Variants in CDH2 observed in about 807,000 individuals in gnomAD.
The protein encoded by CDH2 is cadherin 2.
In CDH2, 17 loss-of-function variants were observed where a neutral mutation model predicts 92.0. The ratio of observed to expected loss-of-function variants is 0.18; its 90% confidence interval spans 0.13 to 0.28. The LOEUF (loss-of-function observed/expected upper bound fraction) is 0.28. Ranked by LOEUF, CDH2 falls within the 10% of genes least tolerant of loss-of-function variation. The pLI is 1.00. For synonymous variants in CDH2, 419 were observed against 415.9 expected (o/e 1.01, Z -0.09); for missense variants, 862 against 1,133.1 (o/e 0.76, Z 3.44).
intron 2 of CDH2, among the ~76,000 whole-genome samples, chr18:28,017,608 A>G (rs1242727191): frequency 6.6e-6 from 1 of 151,956 alleles, no homozygotes; most frequent in Non-Finnish European, 1.5e-5. Flanking sequence ...TTTCAACTGC[A>G]TATAGTTGTG....
chr18:28,128,368 T>G (rs1338917173), intron 2 of CDH2, among the ~76,000 whole-genome samples: 1 of 152,154 alleles, frequency 6.6e-6, no homozygotes, highest in East Asian at 1.9e-4. Flanking sequence ...TATACGTGTA[T>G]TTATTTCTAA....
At position 28,062,371 on chromosome 18, in the gene CDH2, A is replaced by C. The variant is rs889681482; in HGVS notation, c.173-48462T>G. On this transcript the variant is annotated intron_variant, in intron 2 of 15. Coordinates refer to ENST00000269141, the MANE Select transcript of CDH2 (RefSeq NM_001792.5). ...CAGAAAACATATAACTTCTTCAACT[A>C]ATTAAGTAGAATTTATAATCCAATA... Among the ~76,000 whole-genome samples, 5 of 152,218 alleles carry C rather than the reference A, an allele frequency of 3.3e-5. No individual in the cohort carries two copies. In the East Asian group the frequency reaches 9.6e-4, roughly 29 times the overall value.
chr18:27,976,414 G>A (rs2011831291), intron 14 of CDH2, among the ~76,000 whole-genome samples: 1 of 152,194 alleles, frequency 6.6e-6, no homozygotes, highest in Admixed American at 6.5e-5. Context: ...TGAAAGCACA[G>A]GAAGCTGCTG....
In CDH2 at chr18:27,992,913, C is replaced by G. The variant is rs1391575855; in HGVS notation, c.1159-73G>C. ...AGGACAACTTGTCTTGATGACCACA[C>G]CGTCCGATTTTACTGCCCCATTAGA... On this transcript the variant is annotated intron_variant, in intron 8 of 15. Transcript: ENST00000269141. 5 of 1,116,086 alleles carry G rather than the reference C, an allele frequency of 4.5e-6. No individual in the cohort carries two copies. In the African/African-American group the frequency reaches 7.7e-5, roughly 17 times the overall value. 69.1% of individuals were successfully genotyped at this position (1,116,086 alleles called of 1,614,324 possible).
At chr18:27,960,838 A>G (rs894448872) in intron 15 of CDH2, among the ~76,000 whole-genome samples, 2 of 152,154 alleles carry the variant, frequency 1.3e-5, no homozygotes, top group Admixed American at 6.5e-5. Flanking sequence ...GGTTTTTCAT[A>G]TAAGTAATCA....
chr18:28,095,898 A>C (rs1351804882), intron 2 of CDH2, among the ~76,000 whole-genome samples: 2 of 152,100 alleles, frequency 1.3e-5, no homozygotes, highest in Non-Finnish European at 2.9e-5. Flanking sequence ...ACAAGGTACA[A>C]TAGCAACACA....
intron 6 of CDH2, among the ~76,000 whole-genome samples, chr18:27,933,246 C>T (rs1052225797): frequency 6.6e-6 from 1 of 152,112 alleles, no homozygotes; most frequent in African/African-American, 2.4e-5. Flanking sequence ...AATGCATGTC[C>T]TCCTTATTGT....
chr18:27,950,627 C>T (rs1053052598), downstream of CDH2, among the ~76,000 whole-genome samples: 3 of 152,074 alleles, frequency 2.0e-5, no homozygotes, highest in African/African-American at 7.2e-5. Flanking sequence ...ATGGGAAAGG[C>T]CTGTCAGTCA....
At chr18:28,076,938 A>T (rs1006992513) in intron 2 of CDH2, among the ~76,000 whole-genome samples, 9 of 152,172 alleles carry the variant, frequency 5.9e-5, no homozygotes, top group Admixed American at 5.2e-4. Flanking sequence ...TGCATAGGAA[A>T]TACTCTATAT....
rs376754423 is a variant in CDH2 at position 27,959,815 on chromosome 18, TC to T, written c.2514+3541del. Among the ~76,000 whole-genome samples, 320 of 152,312 alleles carry T rather than the reference TC, an allele frequency of 2.1e-3. 3 individuals are homozygous for T. Among genetic ancestry groups the T allele is most frequent in the African/African-American group, 7.2e-3 (298 of 41,568 alleles). Reference sequence around the variant, plus strand: ...TTTCTAGCTGAAGATATTTGATTGCTCCTCTCCTTCACATTTCTCTATCTTG... The same window carrying T: ...TTTCTAGCTGAAGATATTTGATTGCTCTCTCCTTCACATTTCTCTATCTTG... On this transcript the variant is annotated intron_variant, in intron 15 of 15. Transcript: ENST00000269141.
At chr18:28,008,177 A>T (rs2012993761) in intron 5 of CDH2, among the ~76,000 whole-genome samples, 1 of 152,234 alleles carries the variant, frequency 6.6e-6, no homozygotes, top group Non-Finnish European at 1.5e-5. Flanking sequence ...TAAGAATTTT[A>T]AATTGATCTT....
chr18:28,019,817 A>T (rs890612245), intron 2 of CDH2, among the ~76,000 whole-genome samples: 1 of 152,154 alleles, frequency 6.6e-6, no homozygotes, highest in Admixed American at 6.6e-5. Flanking sequence ...GGCATTATTC[A>T]GGCTCTATGG....
chr18:28,154,994 C>T (rs894040590), intron 1 of CDH2, among the ~76,000 whole-genome samples: 1 of 152,194 alleles, frequency 6.6e-6, no homozygotes, highest in African/African-American at 2.4e-5. Context: ...TGATCTCTTA[C>T]TTTTTCCCTA....
intron 2 of CDH2, among the ~76,000 whole-genome samples, chr18:28,047,618 C>T (rs1352368752): frequency 6.6e-6 from 1 of 151,960 alleles, no homozygotes; most frequent in Admixed American, 6.6e-5. Context: ...CCTGTAATCC[C>T]GGCACTTTGG....
chr18:28,074,007 A>C (rs533171366), intron 2 of CDH2, among the ~76,000 whole-genome samples: 2 of 152,278 alleles, frequency 1.3e-5, no homozygotes, highest in South Asian at 4.1e-4. Flanking sequence ...GGAAGCAGGA[A>C]GATTTGCCCA....
chr18:28,103,442 T>TTA lies in CDH2; in HGVS notation c.172+44229_172+44230dup, dbSNP rs375212785. On this transcript the variant is annotated intron_variant, in intron 2 of 15. Transcript: ENST00000269141. ...TAAAGTATACATATATGAAGTATGTTTATATATATATATATACACATAAAG... is the reference window on the plus strand; with the variant it reads ...TAAAGTATACATATATGAAGTATGTTTATATATATATATATATACACATAAAG... 3.3e-3 allele frequency among the ~76,000 whole-genome samples: 461 copies of TTA among 140,868 alleles called. 8 individuals are homozygous for TTA. Among genetic ancestry groups the TTA allele is most frequent in the African/African-American group, 5.2e-3 (203 of 38,750 alleles). 92.4% of individuals were successfully genotyped at this position (140,868 alleles called of 152,430 possible).
intron 2 of CDH2, among the ~76,000 whole-genome samples, chr18:28,133,820 G>A (rs542035133): frequency 2.6e-5 from 4 of 152,090 alleles, no homozygotes; most frequent in African/African-American, 9.6e-5. Flanking sequence ...AAACCGTGAT[G>A]CTGCTTCATG....
intron 2 of CDH2, among the ~76,000 whole-genome samples, chr18:28,070,206 A>G (rs1345412113): frequency 2.0e-5 from 3 of 152,224 alleles, no homozygotes; most frequent in African/African-American, 7.2e-5. Flanking sequence ...GTTTGCCAAG[A>G]GTAAAAAGTT....
intron 2 of CDH2, among the ~76,000 whole-genome samples, chr18:28,118,189 T>G (rs2015527581): frequency 6.6e-6 from 1 of 151,948 alleles, no homozygotes; most frequent in Non-Finnish European, 1.5e-5. Flanking sequence ...ATAATTAATA[T>G]TCACATACAC....
Sources: allele counts gnomAD v4.1 joint callset (sites outside exome capture counted in the v4.1 genomes callset), GRCh38; gene constraint gnomAD v4.1.1; transcripts MANE v1.5; gene names NCBI Gene and HGNC (gene_info 2026-07-23, HGNC 2026-07-21).